The following TNNI3K variants were observed in gnomAD, a reference collection of about 807,000 sequenced individuals.
TNNI3K encodes the protein TNNI3 interacting kinase.
Under a neutral mutation model 114.5 loss-of-function variants are expected in TNNI3K, and 140 were observed. The ratio of observed to expected loss-of-function variants is 1.22; its 90% CI spans 1.07 to 1.41. TNNI3K has a LOEUF of 1.41. Ranked by LOEUF, TNNI3K falls within the 40% of genes most tolerant of loss-of-function variation. The pLI is 0.00. For synonymous variants in TNNI3K, 347 were observed against 347.5 expected (o/e 1.00, Z 0.02); for missense variants, 1,125 against 1,007.6 (o/e 1.12, Z -1.58).
At chr1:74,292,542 G>T (rs1657745748) in intron 5 of TNNI3K, among the ~76,000 whole-genome samples, 1 of 151,484 alleles carries the variant, frequency 6.6e-6, no homozygotes, top group Admixed American at 6.6e-5. Flanking sequence ...TTTTAAGTTA[G>T]TTGTACTGTA....
At chr1:74,281,906 T>G (rs1007607506) in intron 5 of TNNI3K, among the ~76,000 whole-genome samples, 16 of 152,172 alleles carry the variant, frequency 1.1e-4, no homozygotes, top group Admixed American at 5.9e-4. Flanking sequence ...TAATTAAACA[T>G]CTTGTTTCTC....
intron 4 of TNNI3K, among the ~76,000 whole-genome samples, chr1:74,256,150 A>G (rs928644342): frequency 2.0e-5 from 3 of 152,146 alleles, no homozygotes; most frequent in South Asian, 2.1e-4. Flanking sequence ...GAGTCACATA[A>G]TAAGTATATG....
At chr1:74,250,639 A>G (rs200705557) in intron 3 of TNNI3K, 33 bp from the exon 4 acceptor site, 81 of 1,598,054 alleles carry the variant, frequency 5.1e-5, no homozygotes, top group Non-Finnish European at 6.4e-5. Context: ...CATCCCCACA[A>G]TGATTTAGCC....
At chr1:74,520,928 G>T (rs896227816) in intron 23 of TNNI3K, among the ~76,000 whole-genome samples, 8 of 152,118 alleles carry the variant, frequency 5.3e-5, no homozygotes, top group African/African-American at 1.9e-4. Context: ...GAATAGTGGT[G>T]ACATGGGAGC....
intron 3 of TNNI3K, among the ~76,000 whole-genome samples, chr1:74,249,849 G>A (rs1199603380): frequency 6.6e-6 from 1 of 152,102 alleles, no homozygotes; most frequent in African/African-American, 2.4e-5. Flanking sequence ...AAATTCAGAA[G>A]CACTTAAAGA....
chr1:74,271,859 A>G (rs76505752), intron 5 of TNNI3K, 151 bp downstream of exon 5: 21 of 565,310 alleles, frequency 3.7e-5, no homozygotes, highest in Non-Finnish European at 5.7e-5. Context: ...AGCTGTATAA[A>G]TGAGCTTTGG....
At chr1:74,439,435 C>T in intron 19 of TNNI3K, 55 bp from the exon 20 acceptor site, 1 of 1,590,278 alleles carries the variant, frequency 6.3e-7, no homozygotes, top group South Asian at 1.1e-5. Context: ...TGCTACTCTG[C>T]AGTGGAAGAA....
intron 17 of TNNI3K, among the ~76,000 whole-genome samples, chr1:74,415,691 G>C (rs1570593024): frequency 6.8e-6 from 1 of 146,660 alleles, no homozygotes; most frequent in Non-Finnish European, 1.5e-5. Flanking sequence ...ATACTTTTTT[G>C]ATATTTTCTT....
At chr1:74,345,867 A>G (rs1660973015) in intron 9 of TNNI3K, 1 of 152,214 alleles carries the variant, frequency 6.6e-6, no homozygotes, top group Non-Finnish European at 1.5e-5. Context: ...CTTTTTCTCA[A>G]TGCATCTTAG....
At chr1:74,270,095 G>A (rs1656249467) in intron 4 of TNNI3K, among the ~76,000 whole-genome samples, 1 of 151,754 alleles carries the variant, frequency 6.6e-6, no homozygotes, top group Non-Finnish European at 1.5e-5. Context: ...AATGCCTCAG[G>A]TGGAAGAAAC....
At chr1:74,464,769 T>C (rs377412030) in intron 21 of TNNI3K, 203 of 1,546,402 alleles carry the variant, frequency 1.3e-4, no homozygotes, top group Non-Finnish European at 1.8e-4. Flanking sequence ...TTCAACCTGA[T>C]GTGTTACATG....
At chr1:74,240,959 G>A (rs1032301194) in intron 2 of TNNI3K, 15 of 151,562 alleles carry the variant, frequency 9.9e-5, no homozygotes, top group Non-Finnish European at 1.8e-4. Context: ...AGGCCCCCGT[G>A]TGTGATGTTC....
At chr1:74,305,931 T>C (rs1224508363) in intron 5 of TNNI3K, among the ~76,000 whole-genome samples, 24 of 152,334 alleles carry the variant, frequency 1.6e-4, no homozygotes, top group Non-Finnish European at 8.8e-5. Flanking sequence ...CATGAATATA[T>C]TGCATAATGC....
chr1:74,289,653 T>C (rs1477507220), intron 5 of TNNI3K, among the ~76,000 whole-genome samples: 1 of 151,974 alleles, frequency 6.6e-6, no homozygotes, highest in Admixed American at 6.6e-5. Context: ...ATTGATAGCA[T>C]GGAAATACTT....
In TNNI3K at chr1:74,354,141, A is replaced by G. The variant is rs962882093; in HGVS notation, c.1177+12A>G. 2 of 1,613,906 alleles carry G rather than the reference A, an allele frequency of 1.2e-6. No homozygotes were observed. The highest frequency in any genetic ancestry group is 1.7e-6 in the Non-Finnish European group (2 of 1,179,908). The stretch of plus-strand genomic sequence containing the variant: ...GGCTTATGAAAAAGGTATATTTTTA[A>G]TCATCGTGTCTCTATAGTGATACAT... On this transcript the variant is annotated intron_variant, in intron 11 of 24. Coordinates refer to ENST00000326637, the MANE Select transcript of TNNI3K (RefSeq NM_015978.3).
intron 17 of TNNI3K, among the ~76,000 whole-genome samples, chr1:74,387,920 A>T (rs942185507): frequency 1.3e-5 from 2 of 152,166 alleles, no homozygotes; most frequent in Admixed American, 1.3e-4. Flanking sequence ...ACTTGTTTGA[A>T]TGTGTGTTTA....
chr1:74,253,490 G>C (rs1005384726), intron 4 of TNNI3K, among the ~76,000 whole-genome samples: 1 of 152,170 alleles, frequency 6.6e-6, no homozygotes, highest in African/African-American at 2.4e-5. Flanking sequence ...CTGCCGCACG[G>C]GGAGGCAGCT....
intron 23 of TNNI3K, among the ~76,000 whole-genome samples, chr1:74,512,284 GAC>G (rs1310561954): frequency 6.6e-6 from 1 of 152,162 alleles, no homozygotes; most frequent in Non-Finnish European, 1.5e-5. Flanking sequence ...GAGTGACATA[GAC>G]ACAGTAGAGC....
intron 20 of TNNI3K, among the ~76,000 whole-genome samples, chr1:74,446,367 G>A (rs1167885560): frequency 7.5e-4 from 111 of 148,640 alleles, no homozygotes; most frequent in Admixed American, 1.7e-3. Flanking sequence ...CATGTCCTTC[G>A]CCCACTTTTT....
Sources: gnomAD v4.1 joint callset for allele counts (sites outside exome capture counted in the v4.1 genomes callset) on GRCh38, gnomAD v4.1.1 for gene constraint, MANE v1.5 for transcripts, NCBI Gene and HGNC (gene_info 2026-07-23, HGNC 2026-07-21) for gene names.